The following RARB variants were observed in gnomAD, a reference collection of about 807,000 sequenced individuals.
RARB encodes retinoic acid receptor beta.
Under a neutral mutation model 51.9 loss-of-function variants are expected in RARB, and 17 were observed. The observed-to-expected ratio is 0.33, with a 90% CI of 0.22 to 0.49. RARB has a LOEUF of 0.49. RARB is among the 20% of genes least tolerant of loss of function. RARB has a pLI of 0.99. For synonymous variants in RARB, 215 were observed against 195.4 expected, an observed-to-expected ratio of 1.10 and a Z score of -0.84; for missense variants, 369 against 550.8, an observed-to-expected ratio of 0.67 and a Z score of 3.30.
chr3:25,547,768 C>T (rs1224515146), intron 3 of RARB, among the ~76,000 whole-genome samples: 2 of 151,896 alleles, frequency 1.3e-5, no homozygotes, highest in East Asian at 1.9e-4. Flanking sequence ...ATAGAGAAGG[C>T]AGAGAGGGAA....
intron 2 of RARB, among the ~76,000 whole-genome samples, chr3:24,859,076 T>A (rs889929885): frequency 2.0e-5 from 3 of 148,928 alleles, no homozygotes; most frequent in African/African-American, 7.4e-5. Flanking sequence ...AAAAGTTCCT[T>A]AATACTCTTA....
At chr3:25,391,992 G>A (rs1706974018) in intron 5 of RARB, among the ~76,000 whole-genome samples, 1 of 152,006 alleles carries the variant, frequency 6.6e-6, no homozygotes, top group Non-Finnish European at 1.5e-5. Context: ...TGGTTTTTCT[G>A]ATGTTATCTT....
chr3:25,588,007 T>G (rs1262322408), intron 5 of RARB, among the ~76,000 whole-genome samples: 1 of 152,172 alleles, frequency 6.6e-6, no homozygotes, highest in South Asian at 2.1e-4. Flanking sequence ...ATGGAGGACA[T>G]TGTTCTAGAT....
intron 5 of RARB, among the ~76,000 whole-genome samples, chr3:25,356,994 T>C (rs994506928): frequency 2.1e-4 from 32 of 152,204 alleles, no homozygotes; most frequent in African/African-American, 7.2e-4. Context: ...TGTGTCTTTG[T>C]AGTAGAATGA....
intron 4 of RARB, among the ~76,000 whole-genome samples, chr3:25,173,813 A>T (rs1700690768): frequency 6.6e-6 from 1 of 152,186 alleles, no homozygotes. Flanking sequence ...AAACACTCCC[A>T]CATGTAATGT....
intron 3 of RARB, among the ~76,000 whole-genome samples, chr3:25,109,209 T>C (rs1699559326): frequency 6.6e-6 from 1 of 152,236 alleles, no homozygotes; most frequent in Admixed American, 6.5e-5. Flanking sequence ...AGTAATTAAA[T>C]GCATATAAAT....
intron 5 of RARB, among the ~76,000 whole-genome samples, chr3:25,581,657 A>G (rs915771100): frequency 2.0e-5 from 3 of 152,132 alleles, no homozygotes; most frequent in African/African-American, 4.8e-5. Context: ...TCCCAATGTG[A>G]TGGTATTAGG....
intron 2 of RARB, among the ~76,000 whole-genome samples, chr3:25,491,236 A>G (rs950625313): frequency 6.6e-6 from 1 of 152,168 alleles, no homozygotes; most frequent in Admixed American, 6.5e-5. Flanking sequence ...GTTTCAAAGA[A>G]GTTCTTTGTG....
chr3:24,992,118 G>A (rs558570244), intron 2 of RARB, among the ~76,000 whole-genome samples: 81 of 152,188 alleles, frequency 5.3e-4, no homozygotes, highest in Admixed American at 3.1e-3. Context: ...CCTCCATACC[G>A]CAAACCTAAT....
intron 3 of RARB, among the ~76,000 whole-genome samples, chr3:25,125,408 A>AGAC (rs1699845442): frequency 6.6e-6 from 1 of 152,218 alleles, no homozygotes; most frequent in African/African-American, 2.4e-5. Flanking sequence ...TCTAATGAGA[A>AGAC]GACAGAGCAC....
rs956803430 is a variant in RARB at position 25,051,628 on chromosome 3, A to C, written c.-379-8497A>C. 2.6e-5 allele frequency among the ~76,000 whole-genome samples: 4 copies of C among 152,150 alleles called. No homozygotes were observed. The South Asian group carries it at 6.2e-4, about 24-fold the overall frequency. On this transcript the variant is annotated intron_variant, in intron 2 of 11. Coordinates refer to the RARB transcript ENST00000383772. ...TTTAATCAATATTTTTAAAGATACT[A>C]TTATTCATTAGGAACAGTGAGCTAT...
chr3:25,539,738 C>T (rs1190317049), intron 3 of RARB, among the ~76,000 whole-genome samples: 2 of 151,968 alleles, frequency 1.3e-5, no homozygotes, highest in African/African-American at 4.8e-5. Flanking sequence ...TCATCTTCCT[C>T]GATCCATACA....
At chr3:25,189,265 G>A (rs558410447) in intron 5 of RARB, among the ~76,000 whole-genome samples, 4 of 152,278 alleles carry the variant, frequency 2.6e-5, no homozygotes, top group East Asian at 3.9e-4. Flanking sequence ...CTCTCTGACA[G>A]TCTAAGTTTA....
intron 4 of RARB, among the ~76,000 whole-genome samples, chr3:25,152,523 T>A (rs961857667): frequency 2.6e-5 from 4 of 152,146 alleles, no homozygotes; most frequent in African/African-American, 9.7e-5. Context: ...TTTGATATAA[T>A]TAAACACTGC....
At chr3:25,341,378 C>T (rs749140182) in intron 5 of RARB, among the ~76,000 whole-genome samples, 1 of 152,154 alleles carries the variant, frequency 6.6e-6, no homozygotes, top group African/African-American at 2.4e-5. Flanking sequence ...TTGTGAAATA[C>T]TGAGTAGAAA....
chr3:24,913,127 C>A (rs1471572420), intron 2 of RARB, among the ~76,000 whole-genome samples: 1 of 151,428 alleles, frequency 6.6e-6, no homozygotes, highest in Non-Finnish European at 1.5e-5. Context: ...ACTACAGGCA[C>A]CCGCCACCAC....
At position 25,296,094 on chromosome 3, in the gene RARB, T is replaced by G. The variant is rs543643572; in HGVS notation, c.178+121519T>G. 5.3e-5 allele frequency among the ~76,000 whole-genome samples: 8 copies of G among 152,252 alleles called. No homozygotes were observed. In the South Asian group the frequency reaches 1.7e-3, roughly 32 times the overall value. On this transcript the variant is annotated intron_variant, in intron 5 of 11. Coordinates refer to the RARB transcript ENST00000383772. The stretch of plus-strand genomic sequence containing the variant: ...AAGTATGTTCAAGGATGCCTAATCT[T>G]ACATAATAGAATGAGCCCTAGGGAC...
At chr3:24,909,289 G>T (rs1219476773) in intron 2 of RARB, among the ~76,000 whole-genome samples, 1 of 152,176 alleles carries the variant, frequency 6.6e-6, no homozygotes, top group African/African-American at 2.4e-5. Context: ...TATTCATTGA[G>T]CACCTACTAT....
intron 3 of RARB, among the ~76,000 whole-genome samples, chr3:25,533,488 G>T (rs991292785): frequency 9.2e-5 from 14 of 152,288 alleles, no homozygotes; most frequent in Non-Finnish European, 1.0e-4. Context: ...TGGGCTTTTA[G>T]TTCTCCATGG....
Sources: allele counts gnomAD v4.1 joint callset (sites outside exome capture counted in the v4.1 genomes callset), GRCh38; gene constraint gnomAD v4.1.1; transcripts MANE v1.5; gene names NCBI Gene and HGNC (gene_info 2026-07-23, HGNC 2026-07-21).